The following KIAA0825 variants were observed in gnomAD, a reference collection of about 807,000 sequenced individuals.
The protein encoded by KIAA0825 is KIAA0825.
In KIAA0825, 119 loss-of-function variants were observed where a neutral mutation model predicts 147.6. The ratio of observed to expected loss-of-function variants is 0.81; its 90% CI spans 0.69 to 0.94. KIAA0825 has a LOEUF of 0.94. Ranked by LOEUF, KIAA0825 falls within the 40% of genes least tolerant of loss-of-function variation. KIAA0825 has a pLI of 0.00. For missense variants in KIAA0825, 1,381 were observed against 1,472.7 expected, an observed-to-expected ratio of 0.94 and a Z score of 1.02; for synonymous variants, 470 against 518.1, an observed-to-expected ratio of 0.91 and a Z score of 1.26.
intron 1 of KIAA0825, among the ~76,000 whole-genome samples, chr5:94,605,910 C>T (rs1190389552): frequency 6.6e-6 from 1 of 152,140 alleles, no homozygotes; most frequent in African/African-American, 2.4e-5. Context: ...AAGTCCTAGC[C>T]AGAGCAATCA....
At chr5:94,166,504 GTTTTT>G (rs535152982) in intron 20 of KIAA0825, among the ~76,000 whole-genome samples, 1 of 100,758 alleles carries the variant, frequency 9.9e-6, no homozygotes, top group South Asian at 3.5e-4. Flanking sequence ...CCTCTTGGTT[GTTTTT>G]TTTTTTTTTT....
intron 20 of KIAA0825, among the ~76,000 whole-genome samples, chr5:94,169,014 T>A (rs972981051): frequency 3.3e-5 from 5 of 152,118 alleles, no homozygotes; most frequent in Non-Finnish European, 7.4e-5. Flanking sequence ...TATTTACAAA[T>A]CTAAAGTTAT....
chr5:94,293,127 T>A (rs183500658), intron 20 of KIAA0825, among the ~76,000 whole-genome samples: 1 of 152,262 alleles, frequency 6.6e-6, no homozygotes, highest in Admixed American at 6.5e-5. Flanking sequence ...TCTGCTCTGA[T>A]CTTAGTTACT....
chr5:94,556,262 A>T (rs367763886), intron 2 of KIAA0825, among the ~76,000 whole-genome samples: 4 of 152,046 alleles, frequency 2.6e-5, no homozygotes, highest in African/African-American at 9.7e-5. Context: ...TGTATGCTTC[A>T]TAGAGATGGG....
At chr5:94,438,834 T>A (rs769251467) in intron 14 of KIAA0825, among the ~76,000 whole-genome samples, 1 of 152,166 alleles carries the variant, frequency 6.6e-6, no homozygotes, top group Non-Finnish European at 1.5e-5. Flanking sequence ...TAGGGCCCGA[T>A]GACATTTGCC....
intron 12 of KIAA0825, among the ~76,000 whole-genome samples, chr5:94,453,958 G>A (rs1438885361): frequency 6.6e-6 from 1 of 151,782 alleles, no homozygotes; most frequent in East Asian, 1.9e-4. Context: ...TGCTCCTAAG[G>A]ATCTAGAGAG....
At chr5:94,313,449 C>T (rs1417163745) in intron 20 of KIAA0825, among the ~76,000 whole-genome samples, 1 of 151,528 alleles carries the variant, frequency 6.6e-6, no homozygotes, top group Admixed American at 6.6e-5. Context: ...GTGTCAAATG[C>T]CATACATTTA....
chr5:94,473,534 T>A lies in KIAA0825; in HGVS notation c.1228-15A>T, dbSNP rs779365935. ...AGTAAGGTAGCCTGAAATATCAATG[T>A]ATATGAAGTCATGTTAATCTTAACT... On this transcript the variant is annotated splice_polypyrimidine_tract_variant and intron_variant, in intron 7 of 20. Transcript: ENST00000682413. The A allele has an allele frequency of 2.0e-5, 29 of 1,463,892 alleles. 1 individual carries two copies. The Admixed American group carries it at 5.6e-4, about 28-fold the overall frequency. 90.7% of individuals were successfully genotyped at this position (1,463,892 alleles called of 1,614,324 possible).
chr5:94,298,092 A>C lies in KIAA0825; in HGVS notation c.3710+86276T>G, dbSNP rs563589080. ...AAAACCCGTCTCTACTAAAAATACA[A>C]AAAAGTTAGCCAGGTGTGGTGGTGG... is the stretch of plus-strand genomic sequence containing the variant. On this transcript the variant is annotated intron_variant, in intron 20 of 20. Transcript: ENST00000682413. Among the ~76,000 whole-genome samples, 24 of 151,600 alleles carry C rather than the reference A, an allele frequency of 1.6e-4. 1 individual carries two copies. The South Asian group carries it at 5.0e-3, about 32-fold the overall frequency.
chr5:94,223,593 A>G (rs904468352), intron 20 of KIAA0825, among the ~76,000 whole-genome samples: 10 of 152,108 alleles, frequency 6.6e-5, no homozygotes, highest in Admixed American at 5.9e-4. Flanking sequence ...AATATATTAA[A>G]CTCCACTTAC....
chr5:94,269,613 A>G (rs1188476863), intron 20 of KIAA0825, among the ~76,000 whole-genome samples: 1 of 152,122 alleles, frequency 6.6e-6, no homozygotes, highest in African/African-American at 2.4e-5. Context: ...TTCTTGAAAC[A>G]AATGAAAATG....
At chr5:94,563,922 G>C (rs186571128) in intron 2 of KIAA0825, among the ~76,000 whole-genome samples, 1 of 152,136 alleles carries the variant, frequency 6.6e-6, no homozygotes, top group Non-Finnish European at 1.5e-5. Flanking sequence ...CTGACCTCAA[G>C]TGACCCACCG....
At position 94,523,931 on chromosome 5, in the gene KIAA0825, A is replaced by G. The variant is rs752438607; in HGVS notation, c.299T>C (p.Leu100Pro). 3 of 1,584,502 alleles carry G rather than the reference A, an allele frequency of 1.9e-6. No individual in the cohort carries two copies. In the East Asian group the frequency reaches 6.8e-5, roughly 36 times the overall value. The change falls in exon 4 of 21, where the codon CTG becomes CCG. Residue 100 changes from leucine to proline, a missense_variant and splice_region_variant. Coordinates refer to ENST00000682413, the MANE Select transcript of KIAA0825 (RefSeq NM_001145678.3). ...HGDLIKFFKT[L>P]QDLLKNEQNQ... ...TGATAAAATAAAAATTCATTTTACC[A>G]GTGTTTTGAAAAATTTTATCAAGTC...
intron 3 of KIAA0825, among the ~76,000 whole-genome samples, chr5:94,528,239 T>C (rs1383075365): frequency 1.3e-5 from 2 of 152,228 alleles, no homozygotes; most frequent in African/African-American, 4.8e-5. Context: ...TTATCATTGG[T>C]CATCGGGACT....
At chr5:94,597,779 C>T (rs1785574991) in intron 1 of KIAA0825, among the ~76,000 whole-genome samples, 1 of 152,122 alleles carries the variant, frequency 6.6e-6, no homozygotes, top group African/African-American at 2.4e-5. Flanking sequence ...TTGCTTACAG[C>T]TCCTGGGCTA....
chr5:94,394,532 A>C (rs1435099923), intron 17 of KIAA0825, among the ~76,000 whole-genome samples: 3 of 152,196 alleles, frequency 2.0e-5, no homozygotes. Context: ...AATTGAAATC[A>C]GATTTTAAGG....
intron 20 of KIAA0825, among the ~76,000 whole-genome samples, chr5:94,264,450 A>T (rs1018983097): frequency 2.0e-5 from 3 of 152,214 alleles, no homozygotes; most frequent in Non-Finnish European, 4.4e-5. Context: ...CATCGAAGTT[A>T]ACTTTGTCAG....
intron 2 of KIAA0825, among the ~76,000 whole-genome samples, chr5:94,539,824 G>C (rs1772924735): frequency 6.6e-6 from 1 of 152,114 alleles, no homozygotes; most frequent in African/African-American, 2.4e-5. Context: ...TCTCGGTAAA[G>C]TCCCTTTTGG....
intron 5 of KIAA0825, among the ~76,000 whole-genome samples, chr5:94,499,594 G>C (rs995961854): frequency 1.4e-5 from 2 of 145,766 alleles, no homozygotes; most frequent in Non-Finnish European, 3.0e-5. Flanking sequence ...CTGGGGGGGG[G>C]GGGGGACCAA....
Sources: allele counts gnomAD v4.1 joint callset (sites outside exome capture counted in the v4.1 genomes callset), GRCh38; gene constraint gnomAD v4.1.1; transcripts MANE v1.5; gene names NCBI Gene and HGNC (gene_info 2026-07-23, HGNC 2026-07-21).